Variants in RPGR observed in about 807,000 individuals in gnomAD.
RPGR encodes the protein X-linked retinitis pigmentosa GTPase regulator.
In RPGR, 10 loss-of-function variants were observed where a neutral mutation model predicts 56.3. That is an observed-to-expected ratio of 0.18 (90% confidence interval 0.11 to 0.30). The LOEUF (loss-of-function observed/expected upper bound fraction) is 0.30, where lower values mean the gene tolerates loss of function less well. RPGR is among the 10% of genes least tolerant of loss of function. The probability of loss-of-function intolerance (pLI) is 1.00; values close to 1 mark genes in which losing one functional copy is unlikely to be tolerated. For missense variants in RPGR, 538 were observed against 590.9 expected (o/e 0.91, Z 0.93); for synonymous variants, 197 against 212.9 (o/e 0.93, Z 0.65).
In RPGR at chrX:38,287,155, A is replaced by C; in HGVS notation, c.1844T>G (p.Val615Gly). The change falls in exon 15 of 19, where the codon GTG becomes GGG. Residue 615 changes from valine to glycine, a missense_variant. Coordinates refer to ENST00000642395, the MANE Select transcript of RPGR (RefSeq NM_000328.3). The stretch of plus-strand genomic sequence containing the variant: ...TGTTTTCTCCTTTCTTCCTCCATGC[A>C]CCTTCACATTTTCCTCATTTGCTTC... 1 of 1,210,011 alleles carries C rather than the reference A, an allele frequency of 8.3e-7. No homozygotes were observed. The highest frequency in any genetic ancestry group is 3.0e-5 in the East Asian group (1 of 33,771).
intron 9 of RPGR, among the ~76,000 whole-genome samples, chrX:38,300,566 T>C (rs2067484150): frequency 9.0e-6 from 1 of 111,577 alleles, no homozygotes; most frequent in Non-Finnish European, 1.9e-5. Context: ...AGACAGAGTC[T>C]CACTGTCACC....
chrX:38,294,284 A>G (rs1484260844), intron 11 of RPGR, among the ~76,000 whole-genome samples: 1 of 110,613 alleles, frequency 9.0e-6, no homozygotes, highest in East Asian at 2.8e-4. Context: ...TTCCTTCTCT[A>G]CCCCTCAAAT....
intron 15 of RPGR, chrX:38,284,525 G>A: frequency 4.0e-6 from 3 of 747,799 alleles, no homozygotes; most frequent in Non-Finnish European, 4.7e-6. Flanking sequence ...TGAAGGCTCT[G>A]ATAAAGTACA....
chrX:38,292,725 T>C (rs984575308), intron 11 of RPGR, among the ~76,000 whole-genome samples: 3 of 112,460 alleles, frequency 2.7e-5, no homozygotes, highest in African/African-American at 9.7e-5. Context: ...TTGTTTGCTG[T>C]TAAAAAATTG....
At chrX:38,310,889 A>G in intron 6 of RPGR, 116 bp from the exon 7 acceptor site, 2 of 584,244 alleles carry the variant, frequency 3.4e-6, no homozygotes, top group East Asian at 7.1e-5. Flanking sequence ...CTTTCTTGAG[A>G]TATTTTTACT....
At chrX:38,300,245 C>T (rs1036122561) in intron 9 of RPGR, among the ~76,000 whole-genome samples, 4 of 111,552 alleles carry the variant, frequency 3.6e-5, no homozygotes, top group Non-Finnish European at 7.5e-5. Flanking sequence ...CCACCGCGCC[C>T]GACCAGTACT....
Position 38,318,997 on chromosome X carries a change from GA to G in RPGR, c.311-11del, listed in dbSNP as rs1377481515. 2 of 1,210,772 alleles carry G rather than the reference GA, an allele frequency of 1.7e-6. No individual in the cohort carries two copies. The highest frequency in any genetic ancestry group is 2.2e-6 in the Non-Finnish European group (2 of 894,750). On this transcript the variant is annotated splice_polypyrimidine_tract_variant and intron_variant, in intron 4 of 18. Transcript: ENST00000642395. ...TATACATTGCCTCCTTCTGCACATGGAAAAGAAAACGTCAATAGACTATAGA... is the reference window on the plus strand; with the variant it reads ...TATACATTGCCTCCTTCTGCACATGGAAAGAAAACGTCAATAGACTATAGA...
In RPGR at chrX:38,318,948, C is replaced by T; in HGVS notation, c.350G>A (p.Gly117Glu). The stretch of plus-strand genomic sequence containing the variant: ...TTCGGTGTCACCAAGCCCCAACTGT[C>T]CTTCATTATTTCCACCAGTTGCATA... The change falls in exon 5 of 19, where the codon GGA (glycine) becomes GAA (glutamate). Residue 117 changes from glycine (G) to glutamate (E), a missense_variant. Transcript: ENST00000642395. 1 of 1,212,000 alleles carries T rather than the reference C, an allele frequency of 8.3e-7. No homozygotes were observed.
chrX:38,281,800 C>T (rs1043014386), intron 15 of RPGR, among the ~76,000 whole-genome samples: 4 of 112,075 alleles, frequency 3.6e-5, no homozygotes, highest in Non-Finnish European at 7.5e-5. Context: ...CCACACAGCT[C>T]ATCAGTGGAG....
In RPGR at chrX:38,287,025, G is replaced by A. The variant is rs779788632; in HGVS notation, c.1905+69C>T. ...CTGCTCCTGAACTACCTTCCTCACA[G>A]GTTCCATCCCCTCTACCTTCAGGCC... On this transcript the variant is annotated intron_variant, in intron 15 of 18. Coordinates refer to ENST00000642395, the MANE Select transcript of RPGR (RefSeq NM_000328.3). 2.2e-5 allele frequency: 27 copies of A among 1,207,109 alleles called. No homozygotes were observed. The East Asian group carries it at 3.3e-4, about 15-fold the overall frequency.
Position 38,287,170 on chromosome X carries a change from T to A in RPGR, c.1829A>T (p.Glu610Val), listed in dbSNP as rs1361973753. 3 of 1,209,260 alleles carry A rather than the reference T, an allele frequency of 2.5e-6. No individual in the cohort carries two copies. Among genetic ancestry groups the A allele is most frequent in the Non-Finnish European group, 3.4e-6 (3 of 895,155 alleles). ...TCCTCCATGCACCTTCACATTTTCCTCATTTGCTTCTACCTCTTGCTCCTC... is the reference window on the plus strand; with the variant it reads ...TCCTCCATGCACCTTCACATTTTCCACATTTGCTTCTACCTCTTGCTCCTC... The change falls in exon 15 of 19, where the codon GAG becomes GTG. Residue 610 changes from glutamate (E) to valine (V), a missense_variant. Transcript: ENST00000642395.
chrX:38,285,502 T>G, intron 15 of RPGR: 1 of 1,210,295 alleles, frequency 8.3e-7, no homozygotes, highest in Non-Finnish European at 1.1e-6. Context: ...GCATTTAAAT[T>G]GTCTGACTGG....
At chrX:38,289,001 C>T (rs1436443421) in intron 13 of RPGR, among the ~76,000 whole-genome samples, 1 of 110,564 alleles carries the variant, frequency 9.0e-6, no homozygotes, top group African/African-American at 3.3e-5. Flanking sequence ...AGGCTAGTCT[C>T]GAACTTCTGA....
rs1306535177 is a variant in RPGR at position 38,291,006 on chromosome X, T to G, written c.1525A>C (p.Asn509His). The change falls in exon 13 of 19, where the codon AAT (asparagine) becomes CAT (histidine). Residue 509 changes from asparagine (N) to histidine (H), a missense_variant. By Grantham distance (68) the Asn-to-His change is moderately conservative. This residue lies in a region of RPGR where 357 missense variants were observed against 325.8 expected (regional missense o/e 1.10). Transcript: ENST00000642395. ...AATTTTAATGACTTTTCATTGGAAT[T>G]CAGGCTCATGATGTGTGTCTGAAAT... 9.5e-7 allele frequency: 1 copy of G among 1,056,578 alleles called. No individual in the cohort carries two copies. The highest frequency in any genetic ancestry group is 1.3e-6 in the Non-Finnish European group (1 of 777,250). The allele number at this position is 1,056,578 out of a possible 1,213,427, so 87.1% of individuals were successfully genotyped here. A position where few individuals can be genotyped will look rare whatever the true frequency, so the allele number is the denominator to read the frequency against.
intron 15 of RPGR, among the ~76,000 whole-genome samples, chrX:38,278,430 G>A (rs940659240): frequency 6.3e-5 from 7 of 111,758 alleles, no homozygotes; most frequent in Non-Finnish European, 1.1e-4. Context: ...TAGTAAAGAC[G>A]GGGTTTCGCC....
chrX:38,309,940 T>G (rs1422985131), intron 7 of RPGR, among the ~76,000 whole-genome samples: 5 of 112,044 alleles, frequency 4.5e-5, no homozygotes, highest in African/African-American at 1.3e-4. Context: ...GAAATGTATA[T>G]TAAGTACAGG....
intron 18 of RPGR, among the ~76,000 whole-genome samples, chrX:38,270,145 T>C (rs2066812707): frequency 1.8e-5 from 2 of 111,503 alleles, no homozygotes; most frequent in African/African-American, 6.5e-5. Context: ...AAAAAATATA[T>C]AAAAACCTAT....
At chrX:38,326,175 C>T (rs1460988976) in intron 1 of RPGR, among the ~76,000 whole-genome samples, 3 of 111,625 alleles carry the variant, frequency 2.7e-5, no homozygotes, top group African/African-American at 9.8e-5. Flanking sequence ...TACCCTCATC[C>T]CAAGCCAAGG....
In RPGR at chrX:38,273,441, T is replaced by C. The variant is rs772576305; in HGVS notation, c.2186A>G (p.Glu729Gly). The change falls in exon 18 of 19, where the codon GAA becomes GGA. Residue 729 changes from glutamate to glycine, a missense_variant. This residue lies in a region of RPGR where 357 missense variants were observed against 325.8 expected (regional missense o/e 1.10). Coordinates refer to ENST00000642395, the MANE Select transcript of RPGR (RefSeq NM_000328.3). ...TGTTGTTTCACTGTTTTCTAGGATTTCTAATGAACTGCTATCTGCATCATC... is the reference window on the plus strand; with the variant it reads ...TGTTGTTTCACTGTTTTCTAGGATTCCTAATGAACTGCTATCTGCATCATC... The C allele has an allele frequency of 5.0e-6, 6 of 1,204,251 alleles. No homozygotes were observed. The South Asian group carries it at 1.1e-4, about 21-fold the overall frequency.
Sources: gnomAD v4.1 joint callset for allele counts (sites outside exome capture counted in the v4.1 genomes callset) on GRCh38, gnomAD v4.1.1 for gene constraint, gnomAD v4.1.1 regional missense constraint, MANE v1.5 for transcripts, NCBI Gene and HGNC (gene_info 2026-07-23, HGNC 2026-07-21) for gene names.